Variants in TRIQK observed in about 807,000 individuals in gnomAD.
TRIQK encodes the protein triple QxxK/R motif containing, also known as triple QxxK/R motif-containing protein.
A neutral mutation model predicts 10.8 loss-of-function variants in TRIQK; 10 were observed. That is an observed-to-expected ratio of 0.92 (90% confidence interval 0.57 to 1.57). The LOEUF (loss-of-function observed/expected upper bound fraction) is 1.57. TRIQK is among the 40% of genes most tolerant of loss of function. The pLI is 0.00. For missense variants in TRIQK, 107 were observed against 97.7 expected (o/e 1.09, Z -0.40); for synonymous variants, 33 against 33.7 (o/e 0.98, Z 0.07).
intron 1 of TRIQK, among the ~76,000 whole-genome samples, chr8:92,962,846 T>C (rs963058647): frequency 1.2e-4 from 19 of 152,302 alleles, no homozygotes; most frequent in East Asian, 3.9e-4. Flanking sequence ...AATCTGAAAT[T>C]TTTCTCTCAG....
chr8:92,998,718 T>C (rs1261158535), intron 1 of TRIQK, among the ~76,000 whole-genome samples: 2 of 152,098 alleles, frequency 1.3e-5, no homozygotes, highest in Non-Finnish European at 2.9e-5. Context: ...GGGGCTACTC[T>C]TGTTGCTATT....
intron 1 of TRIQK, among the ~76,000 whole-genome samples, chr8:92,995,919 G>A (rs1168441262): frequency 6.6e-6 from 1 of 152,020 alleles, no homozygotes; most frequent in Non-Finnish European, 1.5e-5. Context: ...GGATAGTCAT[G>A]TGACGGGAAT....
intron 3 of TRIQK, among the ~76,000 whole-genome samples, chr8:92,914,447 T>C (rs1482679414): frequency 6.6e-6 from 1 of 152,154 alleles, no homozygotes; most frequent in Non-Finnish European, 1.5e-5. Flanking sequence ...AAAAAGGTAA[T>C]CTACAAAATG....
intron 2 of TRIQK, among the ~76,000 whole-genome samples, chr8:92,943,780 C>T (rs1321351506): frequency 6.6e-6 from 1 of 152,000 alleles, no homozygotes; most frequent in African/African-American, 2.4e-5. Flanking sequence ...TTGGATTGAG[C>T]AAGGATTTTT....
At chr8:92,953,011 G>T (rs1048307730) in intron 2 of TRIQK, among the ~76,000 whole-genome samples, 2 of 152,016 alleles carry the variant, frequency 1.3e-5, no homozygotes, top group African/African-American at 4.8e-5. Flanking sequence ...GGGCTTGCTT[G>T]TTTCTACAGC....
At chr8:92,935,379 C>T (rs377261683) in intron 2 of TRIQK, among the ~76,000 whole-genome samples, 1 of 151,626 alleles carries the variant, frequency 6.6e-6, no homozygotes, top group South Asian at 2.1e-4. Context: ...TGGTTAAAAG[C>T]GTGTTCATTC....
intron 2 of TRIQK, among the ~76,000 whole-genome samples, chr8:92,920,008 G>A (rs1810089375): frequency 6.6e-6 from 1 of 151,580 alleles, no homozygotes; most frequent in Non-Finnish European, 1.5e-5. Context: ...CATTTTATTT[G>A]AGTTTTCTCC....
intron 3 of TRIQK, among the ~76,000 whole-genome samples, chr8:92,906,879 C>G (rs966015996): frequency 2.0e-5 from 3 of 150,334 alleles, no homozygotes; most frequent in Non-Finnish European, 4.4e-5. Flanking sequence ...GGAGACAGAG[C>G]GAGACTCCGT....
chr8:92,926,383 A>G (rs1457050019), intron 2 of TRIQK: 6 of 152,208 alleles, frequency 3.9e-5, no homozygotes, highest in Admixed American at 3.9e-4. Context: ...AAGAAAGCAG[A>G]AATGAAAATT....
chr8:92,989,741 C>A (rs1251196068), intron 1 of TRIQK, among the ~76,000 whole-genome samples: 5 of 152,002 alleles, frequency 3.3e-5, no homozygotes, highest in Admixed American at 1.3e-4. Context: ...CATCCTGAAA[C>A]CATCCCTCAG....
intron 1 of TRIQK, among the ~76,000 whole-genome samples, chr8:93,005,600 C>T (rs183243349): frequency 2.0e-5 from 3 of 152,178 alleles, no homozygotes; most frequent in African/African-American, 7.2e-5. Context: ...TTTAACAAAA[C>T]TCAACATCCC....
intron 2 of TRIQK, among the ~76,000 whole-genome samples, chr8:92,946,018 T>G (rs1811514005): frequency 6.6e-6 from 1 of 151,942 alleles, no homozygotes; most frequent in Non-Finnish European, 1.5e-5. Context: ...TAGAAAGTGG[T>G]CTATTTAATA....
At chr8:92,897,299 G>A (rs770946923) in intron 3 of TRIQK, among the ~76,000 whole-genome samples, 4 of 152,124 alleles carry the variant, frequency 2.6e-5, no homozygotes, top group Non-Finnish European at 5.9e-5. Context: ...CTATTGAGAT[G>A]GAATGAATGT....
intron 3 of TRIQK, among the ~76,000 whole-genome samples, chr8:92,913,484 G>T (rs1158064909): frequency 6.6e-6 from 1 of 152,156 alleles, no homozygotes; most frequent in Non-Finnish European, 1.5e-5. Flanking sequence ...TGCTGGAGAG[G>T]ATGTGGAGAA....
intron 1 of TRIQK, among the ~76,000 whole-genome samples, chr8:92,978,594 C>T (rs902076635): frequency 1.3e-5 from 2 of 152,098 alleles, no homozygotes; most frequent in Non-Finnish European, 2.9e-5. Context: ...CCACTTTAAA[C>T]TTAATTGAAG....
intron 3 of TRIQK, among the ~76,000 whole-genome samples, chr8:92,896,892 C>T (rs1211246324): frequency 2.6e-5 from 4 of 151,766 alleles, no homozygotes; most frequent in African/African-American, 7.3e-5. Context: ...TCCTGGCTCA[C>T]TGCAACCTCT....
chr8:92,975,769 TTAGAG>T (rs1380074658), intron 1 of TRIQK, among the ~76,000 whole-genome samples: 12 of 152,002 alleles, frequency 7.9e-5, no homozygotes, highest in Admixed American at 4.6e-4. Context: ...AAGCCATTGA[TTAGAG>T]TATTTTCTGT....
intron 3 of TRIQK, among the ~76,000 whole-genome samples, chr8:92,910,735 T>C (rs1000776898): frequency 7.9e-5 from 12 of 151,110 alleles, no homozygotes; most frequent in Admixed American, 2.0e-4. Flanking sequence ...ACTTTATAAA[T>C]AAAAAGGTCA....
intron 2 of TRIQK, among the ~76,000 whole-genome samples, chr8:92,930,468 A>T (rs1158606626): frequency 2.6e-5 from 4 of 151,522 alleles, no homozygotes; most frequent in African/African-American, 9.7e-5. Context: ...TGTTTTCAGG[A>T]TTACAAAGTG....
Sources: gnomAD v4.1 joint callset for allele counts (sites outside exome capture counted in the v4.1 genomes callset) on GRCh38, gnomAD v4.1.1 for gene constraint, MANE v1.5 for transcripts, NCBI Gene and HGNC (gene_info 2026-07-23, HGNC 2026-07-21) for gene names.